DMD: variants seen among roughly 807,000 people sequenced by gnomAD.
DMD encodes mutant dystrophin.
In DMD, 63 loss-of-function variants were observed where a neutral mutation model predicts 330.1. The observed-to-expected ratio is 0.19, with a 90% confidence interval of 0.16 to 0.24. DMD has a LOEUF of 0.24. Among genes scored for constraint, DMD ranks in the 10% least tolerant of loss-of-function variants. The probability of loss-of-function intolerance (pLI) is 1.00; values close to 1 mark genes in which losing one functional copy is unlikely to be tolerated. For missense variants in DMD, 3,344 were observed against 2,684.1 expected, an observed-to-expected ratio of 1.25 and a Z score of -5.43; for synonymous variants, 1,223 against 959.8, an observed-to-expected ratio of 1.27 and a Z score of -5.07.
At chrX:31,454,951 C>CTTTTTTT (rs61091457) in intron 59 of DMD, among the ~76,000 whole-genome samples, 21 of 80,144 alleles carry the variant, frequency 2.6e-4, no homozygotes, top group East Asian at 7.3e-4. Context: ...TTTTCTTTTT[C>CTTTTTTT]TTTTTTTTTT....
At chrX:32,311,108 G>A (rs1273372554) in intron 41 of DMD, among the ~76,000 whole-genome samples, 2 of 110,404 alleles carry the variant, frequency 1.8e-5, no homozygotes, top group African/African-American at 6.6e-5. Context: ...AATTCAGAAA[G>A]ATGGATGACC....
chrX:31,949,564 G>C (rs2095131993), intron 45 of DMD, among the ~76,000 whole-genome samples: 1 of 111,066 alleles, frequency 9.0e-6, no homozygotes, highest in African/African-American at 3.3e-5. Context: ...CTACATACAG[G>C]ATTGTATTGT....
chrX:32,500,139 C>T (rs756125878), intron 19 of DMD, among the ~76,000 whole-genome samples: 126 of 110,576 alleles, frequency 1.1e-3, no homozygotes, highest in Non-Finnish European at 2.0e-3. Flanking sequence ...CACCCCTACC[C>T]CCCAGTGTTC....
At chrX:33,050,757 G>A (rs1427842464) in intron 1 of DMD, among the ~76,000 whole-genome samples, 1 of 112,071 alleles carries the variant, frequency 8.9e-6, no homozygotes, top group Non-Finnish European at 1.9e-5. Context: ...CAGCTATAAG[G>A]AAAGAGGAAA....
At chrX:33,305,946 A>G (rs2053755852) in intron 1 of DMD, among the ~76,000 whole-genome samples, 1 of 112,212 alleles carries the variant, frequency 8.9e-6, no homozygotes, top group Admixed American at 9.5e-5. Context: ...TGAAAAATAT[A>G]AAAGAGAATT....
Position 31,178,723 on chromosome X carries a change from G to T in DMD, c.10169C>A (p.Pro3390His), listed in dbSNP as rs1347150981. The T allele has an allele frequency of 8.3e-7, 1 of 1,210,856 alleles. No individual in the cohort carries two copies. Among genetic ancestry groups the T allele is most frequent in the Non-Finnish European group, 1.1e-6 (1 of 894,911 alleles). The stretch of plus-strand genomic sequence containing the variant: ...CTGCACTGGCAGGTAGCCCATTCGG[G>T]GATGCTTCGCAAAATACCTTTTGGT... ...FRTKRYFAKH[P>H]RMGYLPVQTV... Residue 3390 changes from proline (P) to histidine (H), a missense_variant, in exon 70 of 79, where the codon CCC becomes CAC. Transcript: ENST00000357033.
At chrX:31,844,991 C>A (rs1034277868) in intron 48 of DMD, among the ~76,000 whole-genome samples, 1 of 98,414 alleles carries the variant, frequency 1.0e-5, no homozygotes, top group Non-Finnish European at 2.1e-5. Context: ...TGGAACTGAA[C>A]CTTCAGTGTC....
At chrX:31,703,741 AG>A (rs1274924564) in intron 52 of DMD, among the ~76,000 whole-genome samples, 2 of 111,822 alleles carry the variant, frequency 1.8e-5, no homozygotes, top group African/African-American at 6.5e-5. Flanking sequence ...TTTTGTATTA[AG>A]GGGAAGATGA....
chrX:31,734,628 T>G (rs56042758), intron 51 of DMD, among the ~76,000 whole-genome samples: 11,443 of 111,170 alleles, frequency 0.1, 487 homozygotes, highest in Non-Finnish European at 0.13. Context: ...ATTTTTTAAG[T>G]GCTTCTGTTG....
At chrX:31,530,130 C>T (rs1043176555) in intron 55 of DMD, among the ~76,000 whole-genome samples, 3 of 111,622 alleles carry the variant, frequency 2.7e-5, no homozygotes, top group East Asian at 2.8e-4. Context: ...AAAAAAATGG[C>T]TTTGTGGGGC....
chrX:31,731,481 C>T (rs370928755), intron 51 of DMD, among the ~76,000 whole-genome samples: 4 of 111,782 alleles, frequency 3.6e-5, no homozygotes, highest in South Asian at 7.4e-4. Context: ...ATTTTTAAAA[C>T]GGACTTACCC....
At chrX:33,254,881 A>G (rs1180194176) in intron 1 of DMD, among the ~76,000 whole-genome samples, 1 of 110,714 alleles carries the variant, frequency 9.0e-6, no homozygotes, top group African/African-American at 3.3e-5. Flanking sequence ...TAGTAACCTA[A>G]AAGATATTTG....
intron 2 of DMD, among the ~76,000 whole-genome samples, chrX:32,871,610 C>T (rs972120881): frequency 1.4e-4 from 16 of 111,203 alleles, no homozygotes; most frequent in Admixed American, 2.9e-4. Flanking sequence ...TTATCTATCT[C>T]GTAAATAAGA....
chrX:31,679,708 T>C, intron 52 of DMD, 122 bp from the exon 53 acceptor site: 3 of 609,758 alleles, frequency 4.9e-6, no homozygotes, highest in Non-Finnish European at 5.2e-6. Flanking sequence ...ATTCATTGTG[T>C]TATGGCTAGG....
intron 44 of DMD, among the ~76,000 whole-genome samples, chrX:31,997,658 T>G (rs1331376246): frequency 9.0e-6 from 1 of 110,560 alleles, no homozygotes; most frequent in East Asian, 2.9e-4. Flanking sequence ...TCTTTGCAAC[T>G]TAATGTGATG....
intron 1 of DMD, among the ~76,000 whole-genome samples, chrX:33,202,380 T>G (rs1195679773): frequency 1.8e-5 from 2 of 111,836 alleles, no homozygotes. Context: ...CCTGTACCTC[T>G]ACATATTCAT....
intron 21 of DMD, among the ~76,000 whole-genome samples, chrX:32,479,139 TA>T (rs1232417308): frequency 9.0e-6 from 1 of 111,608 alleles, no homozygotes; most frequent in African/African-American, 3.3e-5. Flanking sequence ...AATATCATGT[TA>T]AACTATTTCA....
chrX:31,728,172 G>A (rs1038558361), intron 52 of DMD, among the ~76,000 whole-genome samples: 12 of 111,477 alleles, frequency 1.1e-4, no homozygotes, highest in East Asian at 2.8e-4. Context: ...ACAGGCGCCC[G>A]CCACCACGCC....
chrX:31,684,714 A>G (rs2082581914), intron 52 of DMD, among the ~76,000 whole-genome samples: 1 of 112,375 alleles, frequency 8.9e-6, no homozygotes, highest in South Asian at 3.7e-4. Flanking sequence ...AACAATTAAG[A>G]GGAATTAAAC....
Sources: allele counts gnomAD v4.1 joint callset (sites outside exome capture counted in the v4.1 genomes callset), GRCh38; gene constraint gnomAD v4.1.1; transcripts MANE v1.5; gene names NCBI Gene and HGNC (gene_info 2026-07-23, HGNC 2026-07-21).